The following INTS1 variants were observed in gnomAD, a reference collection of about 807,000 sequenced individuals.
The protein encoded by INTS1 is integrator complex subunit 1.
In INTS1, 137 loss-of-function variants were observed where a neutral mutation model predicts 241.6. The ratio of observed to expected loss-of-function variants is 0.57; its 90% confidence interval spans 0.49 to 0.65. The LOEUF (loss-of-function observed/expected upper bound fraction) is 0.65, where lower values mean the gene tolerates loss of function less well. Among genes scored for constraint, INTS1 ranks in the 30% least tolerant of loss-of-function variants. The probability of loss-of-function intolerance (pLI) is 0.00; values close to 1 mark genes in which losing one functional copy is unlikely to be tolerated. For missense variants in INTS1, 3,073 were observed against 3,032.2 expected, an observed-to-expected ratio of 1.01 and a Z score of -0.32; for synonymous variants, 1,692 against 1,337.8, an observed-to-expected ratio of 1.26 and a Z score of -5.78.
At position 1,476,892 on chromosome 7, in the gene INTS1, C is replaced by G. The variant is rs755098618; in HGVS notation, c.4965G>C (p.Ser1655=). The part of the protein sequence containing the change: ...RKGKGQAQVP[S]FRPYLLTLFT... ...AGAGGGTCAGGAGGTAGGGACGGAA[C>G]GAGGGCACCTGGGCCTGACCTTTGC... The change falls in exon 36 of 48, where the codon TCG becomes TCC. Residue 1655 remains serine (S), a synonymous_variant. Coordinates refer to ENST00000404767, the MANE Select transcript of INTS1 (RefSeq NM_001080453.3). 1 of 1,612,038 alleles carries G rather than the reference C, an allele frequency of 6.2e-7. No individual in the cohort carries two copies. The highest frequency in any genetic ancestry group is 8.5e-7 in the Non-Finnish European group (1 of 1,179,680).
rs1782657706 is a variant in INTS1, at chr7:1,493,058, A to C, written c.2117T>G (p.Leu706Arg). Residue 706 changes from leucine to arginine, a missense_variant, in exon 16 of 48, where the codon CTG becomes CGG. By Grantham distance (102) the Leu-to-Arg change is moderately radical. Coordinates refer to ENST00000404767, the MANE Select transcript of INTS1 (RefSeq NM_001080453.3). This position sits in a 1 kb window ranked among gnomAD's most constrained non-coding sequence, Gnocchi z 5.3. The stretch of plus-strand genomic sequence containing the variant: ...AGGGTGATGGTAGGTGCACAGATTC[A>C]GAACGGCGTCGATCAGCTGGGTCCT... ...VGRTQLIDAVLNLCTYHHPEN... is the reference protein window; with the variant it reads ...VGRTQLIDAVRNLCTYHHPEN... The C allele has an allele frequency of 6.2e-7, 1 of 1,613,544 alleles. No homozygotes were observed. The highest frequency in any genetic ancestry group is 1.3e-5 in the African/African-American group (1 of 74,908).
chr7:1,499,190 G>C, intron 7 of INTS1, 29 bp from the exon 8 acceptor site: 1 of 1,605,560 alleles, frequency 6.2e-7, no homozygotes, highest in Non-Finnish European at 8.5e-7. Context: ...CGAGGAGGGA[G>C]GAAGGTGGCC....
In INTS1 at chr7:1,479,636, G is replaced by A. The variant is rs1412274847; in HGVS notation, c.4123C>T (p.Pro1375Ser). The stretch of plus-strand genomic sequence containing the variant: ...GCCTGCTGCAGGGCGAGGGCCACGG[G>A]GCGGGGACTGGAGCTCTGCCACCGA... ...DPRWQSSSPR[P>S]VALALQQALG... The change falls in exon 31 of 48, where the codon CCC (proline) becomes TCC (serine). Residue 1375 changes from proline (P) to serine (S), a missense_variant. Transcript: ENST00000404767. 9.9e-6 allele frequency: 15 copies of A among 1,511,018 alleles called. No individual in the cohort carries two copies. The highest frequency in any genetic ancestry group is 1.2e-5 in the Non-Finnish European group (14 of 1,126,442). The allele number at this position is 1,511,018 out of a possible 1,614,324, so 93.6% of individuals were successfully genotyped here.
rs886296832 is a variant in INTS1, at chr7:1,480,772, T to C, written c.3949+63A>G. Reference sequence around the variant, plus strand: ...CCCGTCCCCCTCCCCAGGCTGGGTCTCTGTGTTGGCCCCACCCCTCCCCAG... The same window carrying C: ...CCCGTCCCCCTCCCCAGGCTGGGTCCCTGTGTTGGCCCCACCCCTCCCCAG... On this transcript the variant is annotated intron_variant, in intron 29 of 47. Coordinates refer to ENST00000404767, the MANE Select transcript of INTS1 (RefSeq NM_001080453.3). The C allele has an allele frequency of 5.3e-6, 7 of 1,329,926 alleles. No individual in the cohort carries two copies. In the African/African-American group the frequency reaches 7.3e-5, roughly 14 times the overall value. 82.4% of individuals were successfully genotyped at this position (1,329,926 alleles called of 1,614,324 possible).
chr7:1,487,609 G>A (rs1782335035), intron 19 of INTS1, 151 bp downstream of exon 19: 8 of 1,283,720 alleles, frequency 6.2e-6, no homozygotes, highest in African/African-American at 1.5e-5. Flanking sequence ...ACAGCAGTAA[G>A]CCAGGGACGC....
chr7:1,484,190 G>A lies in INTS1; in HGVS notation c.3262-20C>T, dbSNP rs1384698926. On this transcript the variant is annotated intron_variant, in intron 24 of 47. Coordinates refer to ENST00000404767, the MANE Select transcript of INTS1 (RefSeq NM_001080453.3). ...CACGTCCTGGTGTGTGGACAGGGGGGCGTCAGAGGCTCCGAGACAGCTCTG... is the reference window on the plus strand; with the variant it reads ...CACGTCCTGGTGTGTGGACAGGGGGACGTCAGAGGCTCCGAGACAGCTCTG... 2 of 1,595,286 alleles carry A rather than the reference G, an allele frequency of 1.3e-6. No individual in the cohort carries two copies. The highest frequency in any genetic ancestry group is 1.3e-5 in the African/African-American group (1 of 74,776).
At chr7:1,494,101 G>A (rs1050553335) in intron 14 of INTS1, among the ~76,000 whole-genome samples, 190 bp from the exon 15 acceptor site, 2 of 152,158 alleles carry the variant, frequency 1.3e-5, no homozygotes, top group Non-Finnish European at 1.5e-5. Context: ...TCTAAGTCTC[G>A]CCTGGACAAG....
intron 31 of INTS1, 58 bp downstream of exon 31, chr7:1,479,372 T>C: frequency 1.3e-6 from 2 of 1,523,176 alleles, no homozygotes; most frequent in South Asian, 1.2e-5. Context: ...CGGGCCGTCC[T>C]GCGGGAGGCA....
chr7:1,481,944 A>C lies in INTS1; in HGVS notation c.3704-456T>G, dbSNP rs917326233. ...GGTGGCACGGCGCAGTACACTTCCG[A>C]AGCTGCACGCAGGCTGCTGTGACTA... is the stretch of plus-strand genomic sequence containing the variant. On this transcript the variant is annotated intron_variant, in intron 27 of 47. Coordinates refer to ENST00000404767, the MANE Select transcript of INTS1 (RefSeq NM_001080453.3). This position sits in a 1 kb window ranked among gnomAD's most constrained non-coding sequence, Gnocchi z 6.8. Among the ~76,000 whole-genome samples, 1 of 152,096 alleles carries C rather than the reference A, an allele frequency of 6.6e-6. No homozygotes were observed. Among genetic ancestry groups the C allele is most frequent in the Non-Finnish European group, 1.5e-5 (1 of 67,988 alleles).
Position 1,489,696 on chromosome 7 carries a change from G to A in INTS1, c.2166-14C>T, listed in dbSNP as rs1234690724. On this transcript the variant is annotated splice_polypyrimidine_tract_variant and intron_variant, in intron 16 of 47. Coordinates refer to ENST00000404767, the MANE Select transcript of INTS1 (RefSeq NM_001080453.3). ...GGAGGCTGGTACCTGGAAGGCAGGG[G>A]CGCCCCGACTCAGGCCCAGCGCACC... The A allele has an allele frequency of 6.7e-7, 1 of 1,496,740 alleles. No homozygotes were observed. Among genetic ancestry groups the A allele is most frequent in the Non-Finnish European group, 9.0e-7 (1 of 1,116,082 alleles). The allele number at this position is 1,496,740 out of a possible 1,614,324, so 92.7% of individuals were successfully genotyped here. A position where few individuals can be genotyped will look rare whatever the true frequency, so the allele number is the denominator to read the frequency against.
At chr7:1,503,335 ACAGCAGAGCTGG>A in intron 2 of INTS1, 144 bp from the exon 3 acceptor site, 1 of 852,148 alleles carries the variant, frequency 1.2e-6, no homozygotes. Flanking sequence ...TCAGCAGCCT[ACAGCAGAGCTGG>A]GACCAGCAGG....
In INTS1 at chr7:1,474,269, G is replaced by A; in HGVS notation, c.5728C>T (p.His1910Tyr). 6.2e-7 allele frequency: 1 copy of A among 1,608,356 alleles called. No individual in the cohort carries two copies. Among genetic ancestry groups the A allele is most frequent in the Non-Finnish European group, 8.5e-7 (1 of 1,179,064 alleles). The change falls in exon 41 of 48, where the codon CAC becomes TAC. Residue 1910 changes from histidine to tyrosine, a missense_variant. Physicochemically the swap from His to Tyr is moderately conservative, Grantham distance 83 (BLOSUM62 2). Transcript: ENST00000404767. ...RQQNHLSCFL[H>Y]VLGLLELLQP... is the part of the protein sequence containing the mutation. ...AGCAGCTCCAGCAGGCCCAGCACGT[G>A]CAGGAAGCAGCTCAGGTGGTTCTGC...
rs1781998704 is a variant in INTS1, at chr7:1,481,549, C to T, written c.3704-61G>A. ...CCCGGGCAATGCGCACTCGGGACCCCACCCGAGACCTGGGGCTGCCTGTGT... is the reference window on the plus strand; with the variant it reads ...CCCGGGCAATGCGCACTCGGGACCCTACCCGAGACCTGGGGCTGCCTGTGT... On this transcript the variant is annotated intron_variant, in intron 27 of 47. Transcript: ENST00000404767. The surrounding 1 kb of genome is among the most constrained non-coding windows in gnomAD (Gnocchi z 6.8). 3.1e-5 allele frequency: 47 copies of T among 1,521,958 alleles called. 1 individual carries two copies. The South Asian group carries it at 5.4e-4, about 17-fold the overall frequency. The allele number at this position is 1,521,958 out of a possible 1,614,324, so 94.3% of individuals were successfully genotyped here.
chr7:1,491,928 G>A (rs573682894), intron 16 of INTS1, among the ~76,000 whole-genome samples: 24 of 152,308 alleles, frequency 1.6e-4, no homozygotes, highest in Admixed American at 1.4e-3. Context: ...AATGCAAACC[G>A]AAACAAACGT....
intron 24 of INTS1, among the ~76,000 whole-genome samples, chr7:1,484,667 G>A (rs558626824): frequency 6.6e-5 from 10 of 152,098 alleles, no homozygotes; most frequent in South Asian, 4.1e-4. Flanking sequence ...CCCTCCTGGC[G>A]TCGGGGAGAA....
rs1278554475 is a variant in INTS1 at position 1,481,454 on chromosome 7, C to A, written c.3738G>T (p.Leu1246=). The A allele has an allele frequency of 6.2e-7, 1 of 1,611,436 alleles. No individual in the cohort carries two copies. Among genetic ancestry groups the A allele is most frequent in the Admixed American group, 1.7e-5 (1 of 60,006 alleles). The part of the protein sequence containing the change: ...LQDLEPQQLL[L]FVQSFGIPVS... ...CGGGGATGCCAAACGACTGCACGAA[C>A]AGCAGCAGCTGCTGCGGCTCCAGGT... The change falls in exon 28 of 48, where the codon CTG becomes CTT. Residue 1246 remains leucine (L), a synonymous_variant. Transcript: ENST00000404767. The surrounding 1 kb of genome is among the most constrained non-coding windows in gnomAD (Gnocchi z 6.8).
intron 33 of INTS1, 101 bp downstream of exon 33, chr7:1,478,265 G>A: frequency 7.5e-7 from 1 of 1,328,878 alleles, no homozygotes; most frequent in South Asian, 1.3e-5. Flanking sequence ...GGACAGTGCT[G>A]AGCAGACACT....
intron 6 of INTS1, 34 bp from the exon 7 acceptor site, chr7:1,499,394 TCCC>T: frequency 4.3e-6 from 6 of 1,399,874 alleles, no homozygotes; most frequent in Non-Finnish European, 5.8e-6. Context: ...ATGCAGCGCC[TCCC>T]ACCCGCCCAT....
Position 1,470,426 on chromosome 7 carries a change from G to C in INTS1, c.*151C>G, listed in dbSNP as rs956439978. On this transcript the variant is annotated 3_prime_UTR_variant, in exon 48 of 48. Transcript: ENST00000404767. ...CCGGCCCGGAGCCACCCCAGGGCTCGGAGTATTGCTCCTGGGCCTGCCTGG... is the reference window on the plus strand; with the variant it reads ...CCGGCCCGGAGCCACCCCAGGGCTCCGAGTATTGCTCCTGGGCCTGCCTGG... 1 of 571,732 alleles carries C rather than the reference G, an allele frequency of 1.7e-6. No homozygotes were observed. The highest frequency in any genetic ancestry group is 2.0e-5 in the African/African-American group (1 of 50,776). 35.4% of individuals were successfully genotyped at this position (571,732 alleles called of 1,614,324 possible).
Sources: gnomAD v4.1 joint callset for allele counts (sites outside exome capture counted in the v4.1 genomes callset) on GRCh38, gnomAD v4.1.1 for gene constraint, Gnocchi (gnomAD v3.1) non-coding constraint, MANE v1.5 for transcripts, NCBI Gene and HGNC (gene_info 2026-07-23, HGNC 2026-07-21) for gene names.